The following CCNT1 variants were observed in gnomAD, a reference collection of about 807,000 sequenced individuals.
CCNT1 encodes cyclin-T1.
CCNT1 carries 18 observed loss-of-function variants against 67.3 expected under a neutral mutation model. The observed-to-expected ratio is 0.27, with a 90% CI of 0.18 to 0.40. CCNT1 has a LOEUF of 0.40. Among genes scored for constraint, CCNT1 ranks in the 10% least tolerant of loss-of-function variants. The probability of loss-of-function intolerance (pLI) is 1.00; values close to 1 mark genes in which losing one functional copy is unlikely to be tolerated. For synonymous variants in CCNT1, 333 were observed against 310.3 expected (o/e 1.07, Z -0.77); for missense variants, 744 against 884.9 (o/e 0.84, Z 2.02).
intron 3 of CCNT1, among the ~76,000 whole-genome samples, chr12:48,704,434 C>T (rs1181534623): frequency 7.9e-5 from 12 of 152,174 alleles, no homozygotes. Flanking sequence ...ATCTAATTTG[C>T]TGCTCTTTAT....
intron 2 of CCNT1, among the ~76,000 whole-genome samples, chr12:48,711,917 C>T (rs1285849280): frequency 2.6e-5 from 4 of 152,122 alleles, no homozygotes; most frequent in African/African-American, 9.7e-5. Context: ...CTCAGCCTCC[C>T]GAGTAGCTGG....
intron 2 of CCNT1, among the ~76,000 whole-genome samples, chr12:48,707,425 G>C (rs893048143): frequency 7.3e-5 from 11 of 151,550 alleles, no homozygotes; most frequent in Admixed American, 3.3e-4. Context: ...TGGGATCACA[G>C]GCACACGCCA....
intron 3 of CCNT1, among the ~76,000 whole-genome samples, chr12:48,704,582 G>A (rs1298416363): frequency 5.9e-5 from 9 of 152,192 alleles, no homozygotes; most frequent in East Asian, 1.9e-4. Context: ...AGGCCAAGGC[G>A]GGCAGATCAC....
At chr12:48,711,478 TTC>T (rs1296380062) in intron 2 of CCNT1, among the ~76,000 whole-genome samples, 2 of 152,082 alleles carry the variant, frequency 1.3e-5, no homozygotes, top group African/African-American at 4.8e-5. Context: ...ATTTGAGAGT[TTC>T]TTTTTTTGAT....
Position 48,693,449 on chromosome 12 carries a change from C to CCAG in CCNT1, c.1764_1765insCTG (p.Pro588_Ala589insLeu). ...GATTTAGTACTCTTGGCAATCTTGG[C>CCAG]TGGATGATCAAACACAGCCCCTCCA... is the stretch of plus-strand genomic sequence containing the variant. On this transcript the variant is annotated inframe_insertion, in exon 9 of 9. Transcript: ENST00000261900. 1 of 1,614,230 alleles carries CCAG rather than the reference C, an allele frequency of 6.2e-7. No individual in the cohort carries two copies. The highest frequency in any genetic ancestry group is 8.5e-7 in the Non-Finnish European group (1 of 1,180,050).
At chr12:48,714,816 T>C (rs544788926) in intron 1 of CCNT1, among the ~76,000 whole-genome samples, 4 of 152,316 alleles carry the variant, frequency 2.6e-5, no homozygotes, top group South Asian at 4.1e-4. Flanking sequence ...TTAAAAACTA[T>C]ATAAGGCGGC....
At chr12:48,700,047 C>T (rs1210797498) in intron 4 of CCNT1, among the ~76,000 whole-genome samples, 2 of 152,004 alleles carry the variant, frequency 1.3e-5, no homozygotes, top group East Asian at 1.9e-4. Flanking sequence ...AGGCTGGGCG[C>T]GGTGGATCAA....
intron 6 of CCNT1, among the ~76,000 whole-genome samples, chr12:48,697,294 C>T (rs983558857): frequency 1.3e-5 from 2 of 151,710 alleles, no homozygotes; most frequent in African/African-American, 2.4e-5. Context: ...CCAAGGCAGG[C>T]GGATCACTTG....
At chr12:48,707,199 G>C (rs1940374879) in intron 2 of CCNT1, among the ~76,000 whole-genome samples, 1 of 151,984 alleles carries the variant, frequency 6.6e-6, no homozygotes, top group African/African-American at 2.4e-5. Context: ...AAGGTATGGT[G>C]ATCTAGGCGT....
rs1363200578 is a variant in CCNT1, at chr12:48,714,461, G to A, written c.225C>T (p.Phe75=). ...YMHRFYMIQS[F]TQFPGNSVAP... is the part of the protein sequence containing the mutation. ...TACTTACATTTCCAGGGAACTGTGT[G>A]AAGGACTGAATCATGTAGAATCGAT... The change falls in exon 2 of 9, where the codon TTC becomes TTT. Residue 75 remains phenylalanine, a synonymous_variant. Coordinates refer to ENST00000261900, the MANE Select transcript of CCNT1 (RefSeq NM_001240.4). 3 of 1,600,826 alleles carry A rather than the reference G, an allele frequency of 1.9e-6. No homozygotes were observed. The highest frequency in any genetic ancestry group is 2.2e-5 in the East Asian group (1 of 44,774).
At chr12:48,708,380 C>T (rs1940397415) in intron 2 of CCNT1, among the ~76,000 whole-genome samples, 1 of 151,888 alleles carries the variant, frequency 6.6e-6, no homozygotes, top group African/African-American at 2.4e-5. Context: ...AACTCCATAT[C>T]TACTAAAAAT....
chr12:48,695,672 T>G lies in CCNT1; in HGVS notation c.777+87A>C, dbSNP rs546345296. 8 of 852,224 alleles carry G rather than the reference T, an allele frequency of 9.4e-6. No individual in the cohort carries two copies. The African/African-American group carries it at 1.4e-4, about 14-fold the overall frequency. The allele number at this position is 852,224 out of a possible 1,614,324, so 52.8% of individuals were successfully genotyped here. On this transcript the variant is annotated intron_variant, in intron 8 of 8. Coordinates refer to ENST00000261900, the MANE Select transcript of CCNT1 (RefSeq NM_001240.4). The stretch of plus-strand genomic sequence containing the variant: ...ACTATAAAAAGGGCAATTCCAAACC[T>G]AGGGTACATATTCAATACTGGTATA...
At chr12:48,694,583 T>C (rs912893605) in intron 8 of CCNT1, 147 bp from the exon 9 acceptor site, 3 of 644,922 alleles carry the variant, frequency 4.7e-6, no homozygotes, top group South Asian at 4.1e-5. Flanking sequence ...CCAATAAATA[T>C]TACCATCAAG....
At chr12:48,697,311 G>C (rs1290483703) in intron 6 of CCNT1, among the ~76,000 whole-genome samples, 1 of 151,456 alleles carries the variant, frequency 6.6e-6, no homozygotes, top group African/African-American at 2.4e-5. Context: ...CTTGAGGCCA[G>C]GAGTTTGAGA....
chr12:48,703,067 G>C (rs1012899204), intron 3 of CCNT1, among the ~76,000 whole-genome samples: 1 of 151,742 alleles, frequency 6.6e-6, no homozygotes, highest in Non-Finnish European at 1.5e-5. Flanking sequence ...AATGCCTGAT[G>C]ATCTGTCACT....
At chr12:48,708,284 C>T (rs1449665994) in intron 2 of CCNT1, among the ~76,000 whole-genome samples, 3 of 151,828 alleles carry the variant, frequency 2.0e-5, no homozygotes, top group Non-Finnish European at 2.9e-5. Context: ...TGGTGGCTCA[C>T]GCCTGTAATC....
At position 48,694,122 on chromosome 12, in the gene CCNT1, T is replaced by C; in HGVS notation, c.1092A>G (p.Leu364=). ...NLALTGVDHS[L]PQDGSNAFIS... ...TAAATGCATTTGAACCATCCTGTGG[T>C]AAGGAATGATCAACTCCTGTAAGTG... Residue 364 remains leucine (L), a synonymous_variant, in exon 9 of 9, where the codon TTA becomes TTG. Coordinates refer to ENST00000261900, the MANE Select transcript of CCNT1 (RefSeq NM_001240.4). 2 of 1,614,182 alleles carry C rather than the reference T, an allele frequency of 1.2e-6. No homozygotes were observed. The highest frequency in any genetic ancestry group is 1.7e-6 in the Non-Finnish European group (2 of 1,180,014).
chr12:48,705,652 G>C lies in CCNT1; in HGVS notation c.372+116C>G. On this transcript the variant is annotated intron_variant, in intron 3 of 8. Coordinates refer to ENST00000261900, the MANE Select transcript of CCNT1 (RefSeq NM_001240.4). ...ACACCAATCTAAACTTCAATAAATC[G>C]AAGTTATAAAATTAAGTTGCATTGA... 3.7e-6 allele frequency: 3 copies of C among 806,164 alleles called. No homozygotes were observed. In the South Asian group the frequency reaches 5.0e-5, roughly 13 times the overall value. The allele number at this position is 806,164 out of a possible 1,614,324, so 49.9% of individuals were successfully genotyped here. A position where few individuals can be genotyped will look rare whatever the true frequency, so the allele number is the denominator to read the frequency against.
At chr12:48,701,755 C>T (rs1940273247) in intron 3 of CCNT1, among the ~76,000 whole-genome samples, 1 of 151,644 alleles carries the variant, frequency 6.6e-6, no homozygotes, top group Non-Finnish European at 1.5e-5. Flanking sequence ...TACAGGCATG[C>T]ACCACCACAC....
Sources: gnomAD v4.1 joint callset for allele counts (sites outside exome capture counted in the v4.1 genomes callset) on GRCh38, gnomAD v4.1.1 for gene constraint, MANE v1.5 for transcripts, NCBI Gene and HGNC (gene_info 2026-07-23, HGNC 2026-07-21) for gene names.